CDH13: variants seen among roughly 807,000 people sequenced by gnomAD.
The protein encoded by CDH13 is cadherin-13.
CDH13 carries 24 observed loss-of-function variants against 63.8 expected under a neutral mutation model. That is an observed-to-expected ratio of 0.38 (90% CI 0.27 to 0.53). The LOEUF is 0.53. Among genes scored for constraint, CDH13 ranks in the 20% least tolerant of loss-of-function variants. CDH13 has a pLI of 0.85. For missense variants in CDH13, 1,049 were observed against 903.1 expected (o/e 1.16, Z -2.07); for synonymous variants, 503 against 355.3 (o/e 1.42, Z -4.67).
At chr16:83,681,332 T>G (rs1183707573) in intron 10 of CDH13, among the ~76,000 whole-genome samples, 1 of 152,092 alleles carries the variant, frequency 6.6e-6, no homozygotes, top group Non-Finnish European at 1.5e-5. Flanking sequence ...GTCTAAGAGT[T>G]CTAGCATTTA....
intron 6 of CDH13, among the ~76,000 whole-genome samples, chr16:83,398,610 C>A (rs1489326401): frequency 6.9e-6 from 1 of 145,772 alleles, no homozygotes; most frequent in Non-Finnish European, 1.5e-5. Flanking sequence ...TAGGGAGCCA[C>A]CATTCAATTC....
intron 1 of CDH13, among the ~76,000 whole-genome samples, chr16:82,831,972 G>A (rs2038560229): frequency 6.6e-6 from 1 of 152,202 alleles, no homozygotes; most frequent in Admixed American, 6.5e-5. Context: ...CATGGAATAT[G>A]ATAGCTGTAA....
At chr16:83,626,981 C>T (rs976269763) in intron 8 of CDH13, among the ~76,000 whole-genome samples, 6 of 152,110 alleles carry the variant, frequency 3.9e-5, no homozygotes, top group African/African-American at 1.4e-4. Flanking sequence ...CCCTGATGGT[C>T]CTTAAAAAGA....
intron 2 of CDH13, among the ~76,000 whole-genome samples, chr16:82,869,128 C>G (rs894589879): frequency 2.0e-5 from 3 of 152,138 alleles, no homozygotes; most frequent in Admixed American, 2.0e-4. Flanking sequence ...CTCACTGCAA[C>G]CTCTGCCTCC....
At chr16:82,780,071 G>A (rs1036927568) in intron 1 of CDH13, among the ~76,000 whole-genome samples, 1 of 152,130 alleles carries the variant, frequency 6.6e-6, no homozygotes, top group African/African-American at 2.4e-5. Flanking sequence ...AACAAGCACA[G>A]CTGAAATCTG....
chr16:83,496,852 A>T (rs2074157566), intron 7 of CDH13, among the ~76,000 whole-genome samples: 1 of 152,244 alleles, frequency 6.6e-6, no homozygotes, highest in Non-Finnish European at 1.5e-5. Context: ...TGGGCGAAGG[A>T]CATGAACAGA....
chr16:83,736,632 G>A (rs989486073), intron 10 of CDH13, among the ~76,000 whole-genome samples: 1 of 152,050 alleles, frequency 6.6e-6, no homozygotes, highest in African/African-American at 2.4e-5. Flanking sequence ...TATTCACGTA[G>A]GTTTCAAAAA....
intron 1 of CDH13, among the ~76,000 whole-genome samples, chr16:82,778,121 A>G (rs1207968592): frequency 5.3e-5 from 8 of 152,218 alleles, no homozygotes. Context: ...ACTGGGAGCC[A>G]GCCACTGCCT....
At chr16:83,466,916 T>A (rs902018) in intron 6 of CDH13, among the ~76,000 whole-genome samples, 2 of 152,196 alleles carry the variant, frequency 1.3e-5, no homozygotes, top group African/African-American at 4.8e-5. Flanking sequence ...ATTACTACAA[T>A]CAGTCTTTAT....
At chr16:83,098,964 A>C (rs768938128) in intron 3 of CDH13, among the ~76,000 whole-genome samples, 16 of 152,196 alleles carry the variant, frequency 1.1e-4, no homozygotes, top group Non-Finnish European at 1.9e-4. Flanking sequence ...GACAAATGTC[A>C]TGACAGAATG....
chr16:82,752,325 C>T (rs570646472), intron 1 of CDH13, among the ~76,000 whole-genome samples: 5 of 152,160 alleles, frequency 3.3e-5, no homozygotes, highest in Non-Finnish European at 5.9e-5. Flanking sequence ...TAGAGAGCGG[C>T]GTGCAGAAAG....
At chr16:83,529,173 C>T (rs1014924294) in intron 7 of CDH13, among the ~76,000 whole-genome samples, 1 of 150,582 alleles carries the variant, frequency 6.6e-6, no homozygotes, top group Non-Finnish European at 1.5e-5. Flanking sequence ...TTAGGCATCT[C>T]TGAAGTACAA....
chr16:83,325,691 C>G (rs1403162218), intron 5 of CDH13, among the ~76,000 whole-genome samples: 1 of 152,180 alleles, frequency 6.6e-6, no homozygotes, highest in Non-Finnish European at 1.5e-5. Flanking sequence ...TTCACGCTCT[C>G]TGTTTTCTCT....
rs548783325 is a variant in CDH13 at position 82,887,933 on chromosome 16, C to G, written c.157+29460C>G. 1.0e-3 allele frequency among the ~76,000 whole-genome samples: 152 copies of G among 152,262 alleles called. 3 individuals are homozygous for G. The South Asian group carries it at 0.03, about 30-fold the overall frequency. On this transcript the variant is annotated intron_variant, in intron 2 of 13. Coordinates refer to ENST00000567109, the MANE Select transcript of CDH13 (RefSeq NM_001257.5). ...ACGTGTTGAAAACAGCATGGAAGCC[C>G]ATTCTGGAAAGCAGTGGTGATTGTG...
intron 1 of CDH13, among the ~76,000 whole-genome samples, chr16:82,807,185 T>C (rs2037188743): frequency 6.6e-6 from 1 of 151,960 alleles, no homozygotes; most frequent in South Asian, 2.1e-4. Flanking sequence ...AAATGTCATA[T>C]AAAAATGCAA....
chr16:83,726,706 CGGGCCCCTG>C (rs1910435788), intron 10 of CDH13, among the ~76,000 whole-genome samples: 1 of 152,096 alleles, frequency 6.6e-6, no homozygotes, highest in African/African-American at 2.4e-5. Context: ...AGCGTGGAGG[CGGGCCCCTG>C]TAGTCCCAGC....
At chr16:82,660,447 G>A (rs1287645043) in intron 1 of CDH13, among the ~76,000 whole-genome samples, 2 of 94,650 alleles carry the variant, frequency 2.1e-5, no homozygotes, top group Non-Finnish European at 3.8e-5. Flanking sequence ...GGGGCGTGCG[G>A]GGAAACCCAA....
At chr16:83,155,855 T>G (rs952146703) in intron 4 of CDH13, among the ~76,000 whole-genome samples, 1 of 152,234 alleles carries the variant, frequency 6.6e-6, no homozygotes, top group Non-Finnish European at 1.5e-5. Flanking sequence ...AAACCTTGGC[T>G]GCATTTTAGA....
At chr16:82,635,322 A>T (rs1055107450) in intron 1 of CDH13, among the ~76,000 whole-genome samples, 1 of 152,236 alleles carries the variant, frequency 6.6e-6, no homozygotes, top group African/African-American at 2.4e-5. Context: ...CCAAATCTGG[A>T]GGAGCAGTAG....
Sources: gnomAD v4.1 joint callset for allele counts (sites outside exome capture counted in the v4.1 genomes callset) on GRCh38, gnomAD v4.1.1 for gene constraint, MANE v1.5 for transcripts, NCBI Gene and HGNC (gene_info 2026-07-23, HGNC 2026-07-21) for gene names.